Variants in COBL observed in about 807,000 individuals in gnomAD.
COBL encodes the protein protein cordon-bleu.
In COBL, 51 loss-of-function variants were observed where a neutral mutation model predicts 98.8. The ratio of observed to expected loss-of-function variants is 0.52; its 90% CI spans 0.41 to 0.65. The LOEUF is 0.65. Ranked by LOEUF, COBL falls within the 30% of genes least tolerant of loss-of-function variation. COBL has a pLI of 0.00. For synonymous variants in COBL, 634 were observed against 651.7 expected, an observed-to-expected ratio of 0.97 and a Z score of 0.41; for missense variants, 1,617 against 1,617.5, an observed-to-expected ratio of 1.00 and a Z score of 0.01.
intron 6 of COBL, among the ~76,000 whole-genome samples, chr7:51,107,329 G>C (rs866535129): frequency 1.3e-5 from 2 of 151,932 alleles, no homozygotes; most frequent in African/African-American, 4.8e-5. Context: ...TCCTGACCTC[G>C]TGATTTGCCC....
intron 8 of COBL, among the ~76,000 whole-genome samples, chr7:51,042,422 C>T (rs962293958): frequency 7.9e-5 from 12 of 152,106 alleles, no homozygotes; most frequent in Admixed American, 2.0e-4. Flanking sequence ...TATAGTGGTA[C>T]AATCTCAACT....
chr7:51,167,088 T>A lies in COBL; in HGVS notation c.783+17014A>T, dbSNP rs115733986. The stretch of plus-strand genomic sequence containing the variant: ...TCACCACTGTAATTCAACATAATAC[T>A]GGAAGTCCTGGCTAGGCAACCAGAC... On this transcript the variant is annotated intron_variant, in intron 5 of 12. Coordinates refer to ENST00000265136, the MANE Select transcript of COBL (RefSeq NM_015198.5). Among the ~76,000 whole-genome samples the A allele has an allele frequency of 2.4e-3, 361 of 152,234 alleles. 3 individuals carry two copies. The South Asian group carries it at 0.037, about 15-fold the overall frequency.
intron 6 of COBL, among the ~76,000 whole-genome samples, chr7:51,120,228 G>T (rs1797628312): frequency 6.6e-6 from 1 of 152,094 alleles, no homozygotes; most frequent in South Asian, 2.1e-4. Context: ...AAAGGAGAAA[G>T]AAAATACATG....
At position 51,136,385 on chromosome 7, in the gene COBL, C is replaced by T. The variant is rs556089322; in HGVS notation, c.784-54G>A. The T allele has an allele frequency of 3.4e-4, 525 of 1,522,882 alleles. 1 individual carries two copies. Among genetic ancestry groups the T allele is most frequent in the African/African-American group, 3.3e-3 (241 of 72,706 alleles). 94.3% of individuals were successfully genotyped at this position (1,522,882 alleles called of 1,614,324 possible). ...AAATCAGTATGAGATGACTTCTCCC[C>T]GTATGAATGCTCACATGAAGACAAA... On this transcript the variant is annotated intron_variant, in intron 5 of 12. Transcript: ENST00000265136.
In COBL at chr7:51,106,539, C is replaced by T. The variant is rs1038083665; in HGVS notation, c.958-21235G>A. Among the ~76,000 whole-genome samples the T allele has an allele frequency of 4.6e-5, 7 of 152,206 alleles. No individual in the cohort carries two copies. In the East Asian group the frequency reaches 9.7e-4, roughly 21 times the overall value. On this transcript the variant is annotated intron_variant, in intron 6 of 12. Transcript: ENST00000265136. ...ACAAACCACACATCATAGGCCTGTA[C>T]CCAAGGTATAGGAAGTTTTTACTAG... is the stretch of plus-strand genomic sequence containing the variant.
chr7:51,096,651 TAGAA>T (rs908778126), intron 6 of COBL, among the ~76,000 whole-genome samples: 21 of 151,968 alleles, frequency 1.4e-4, no homozygotes, highest in Admixed American at 5.9e-4. Context: ...TTTTAAAAAT[TAGAA>T]AGAGACATTA....
chr7:51,264,500 G>A (rs532764177), intron 1 of COBL, among the ~76,000 whole-genome samples: 6 of 151,770 alleles, frequency 4.0e-5, no homozygotes, highest in African/African-American at 9.7e-5. Flanking sequence ...GCAAAACCCC[G>A]TCTCTACTAA....
chr7:51,196,991 A>G (rs1293357937), intron 2 of COBL, among the ~76,000 whole-genome samples: 1 of 150,302 alleles, frequency 6.7e-6, no homozygotes, highest in Admixed American at 6.6e-5. Context: ...GGATTCACTG[A>G]TCCTTTGAAT....
At chr7:51,177,799 T>C (rs1019388289) in intron 5 of COBL, among the ~76,000 whole-genome samples, 3 of 149,224 alleles carry the variant, frequency 2.0e-5, no homozygotes, top group Non-Finnish European at 4.5e-5. Flanking sequence ...AATAAATAAA[T>C]AAATAAATAA....
At chr7:51,129,514 C>T (rs565118444) in intron 6 of COBL, among the ~76,000 whole-genome samples, 22 of 152,152 alleles carry the variant, frequency 1.4e-4, no homozygotes, top group African/African-American at 5.1e-4. Context: ...ATCATGTACA[C>T]GTAAAGTAAG....
At position 51,016,932 on chromosome 7, in the gene COBL, T is replaced by C; in HGVS notation, c.*619A>G. 2.5e-6 allele frequency: 1 copy of C among 399,560 alleles called. No individual in the cohort carries two copies. 24.8% of individuals were successfully genotyped at this position (399,560 alleles called of 1,614,324 possible). A position where few individuals can be genotyped will look rare whatever the true frequency, so the allele number is the denominator to read the frequency against. ...AATAGTTGATTTTTAAAAGCTTAGTTGGTCAGATCATGGACTGTGACCCTC... is the reference window on the plus strand; with the variant it reads ...AATAGTTGATTTTTAAAAGCTTAGTCGGTCAGATCATGGACTGTGACCCTC... On this transcript the variant is annotated 3_prime_UTR_variant, in exon 13 of 13. Transcript: ENST00000265136.
chr7:51,112,699 T>C (rs78780267), intron 6 of COBL, among the ~76,000 whole-genome samples: 8,536 of 152,316 alleles, frequency 0.056, 317 homozygotes, highest in Middle Eastern at 0.16. Context: ...GGCCTTGCTT[T>C]GCAGTCCACA....
intron 7 of COBL, among the ~76,000 whole-genome samples, chr7:51,075,669 C>T (rs1215370057): frequency 6.6e-6 from 1 of 152,196 alleles, no homozygotes; most frequent in Non-Finnish European, 1.5e-5. Flanking sequence ...TTCTGTTCCA[C>T]TGAGTTGTCA....
intron 1 of COBL, among the ~76,000 whole-genome samples, chr7:51,271,305 C>T (rs986917257): frequency 6.6e-6 from 1 of 152,206 alleles, no homozygotes; most frequent in Admixed American, 6.5e-5. Context: ...CCTAGACTGG[C>T]TCCTGCTCAA....
intron 1 of COBL, among the ~76,000 whole-genome samples, chr7:51,261,243 T>C (rs1584337833): frequency 6.6e-6 from 1 of 152,226 alleles, no homozygotes; most frequent in African/African-American, 2.4e-5. Context: ...CTGGGCGTGG[T>C]GGCACACGCC....
At chr7:51,048,633 GTTTT>G (rs998891293) in intron 7 of COBL, among the ~76,000 whole-genome samples, 1 of 146,210 alleles carries the variant, frequency 6.8e-6, no homozygotes, top group Non-Finnish European at 1.5e-5. Flanking sequence ...TTATGCTTGA[GTTTT>G]TTTTTTTATT....
intron 5 of COBL, among the ~76,000 whole-genome samples, chr7:51,144,169 G>A (rs1562961310): frequency 6.6e-6 from 1 of 152,170 alleles, no homozygotes; most frequent in Non-Finnish European, 1.5e-5. Flanking sequence ...AACTAAGCCG[G>A]TTAGGGAGGA....
intron 1 of COBL, among the ~76,000 whole-genome samples, chr7:51,233,537 C>T (rs981534646): frequency 6.6e-6 from 1 of 152,222 alleles, no homozygotes; most frequent in African/African-American, 2.4e-5. Flanking sequence ...CGTGAGACAG[C>T]AGGCCGTGCG....
intron 1 of COBL, among the ~76,000 whole-genome samples, chr7:51,288,519 G>A (rs1276073547): frequency 2.0e-5 from 3 of 151,872 alleles, no homozygotes; most frequent in Non-Finnish European, 2.9e-5. Flanking sequence ...TTGTGAGGCC[G>A]AGGCAGGTGG....
Sources: gnomAD v4.1 joint callset for allele counts (sites outside exome capture counted in the v4.1 genomes callset) on GRCh38, gnomAD v4.1.1 for gene constraint, MANE v1.5 for transcripts, NCBI Gene and HGNC (gene_info 2026-07-23, HGNC 2026-07-21) for gene names.